Variants in MTMR7 observed in about 807,000 individuals in gnomAD.
MTMR7 encodes the protein myotubularin related protein 7, also known as phosphatidylinositol-3-phosphate phosphatase MTMR7.
In MTMR7, 76 loss-of-function variants were observed where a neutral mutation model predicts 81.2. The observed-to-expected ratio is 0.94, with a 90% CI of 0.78 to 1.13. The LOEUF (loss-of-function observed/expected upper bound fraction) is 1.13, where lower values mean the gene tolerates loss of function less well. Among genes scored for constraint, MTMR7 ranks in the 50% most tolerant of loss-of-function variants. The pLI, the probability that MTMR7 is intolerant of heterozygous loss-of-function variation, is 0.00. For synonymous variants in MTMR7, 372 were observed against 289.8 expected, an observed-to-expected ratio of 1.28 and a Z score of -2.88; for missense variants, 1,044 against 820.0, an observed-to-expected ratio of 1.27 and a Z score of -3.34.
chr8:17,402,909 T>C (rs1821470802), intron 1 of MTMR7, among the ~76,000 whole-genome samples: 1 of 152,220 alleles, frequency 6.6e-6, no homozygotes, highest in Admixed American at 6.5e-5. Flanking sequence ...CCAGCATTTG[T>C]TATTGCCTGT....
chr8:17,320,099 T>A (rs548278192), intron 7 of MTMR7, among the ~76,000 whole-genome samples: 2 of 152,120 alleles, frequency 1.3e-5, no homozygotes, highest in East Asian at 3.9e-4. Flanking sequence ...ATAGACGGGG[T>A]TAAATAAAAT....
At chr8:17,329,352 T>C (rs1181952948) in intron 7 of MTMR7, among the ~76,000 whole-genome samples, 2 of 152,186 alleles carry the variant, frequency 1.3e-5, no homozygotes, top group Admixed American at 6.5e-5. Context: ...CAGAAAGATA[T>C]CCTAGCCTAC....
chr8:17,371,235 A>G, intron 2 of MTMR7, 36 bp from the exon 3 acceptor site: 1 of 1,601,038 alleles, frequency 6.2e-7, no homozygotes, highest in Non-Finnish European at 8.5e-7. Flanking sequence ...AGCTAAGCAC[A>G]AATAACTAAT....
intron 6 of MTMR7, among the ~76,000 whole-genome samples, chr8:17,333,515 A>T (rs2285283): frequency 0.16 from 24,263 of 152,108 alleles, 2,931 homozygotes; most frequent in African/African-American, 0.34. Context: ...AGTGAAGCCT[A>T]TTCACCACAT....
At chr8:17,393,286 C>G (rs999745722) in intron 1 of MTMR7, among the ~76,000 whole-genome samples, 1 of 152,094 alleles carries the variant, frequency 6.6e-6, no homozygotes, top group Admixed American at 6.6e-5. Context: ...CAACATAGAT[C>G]AAAGACCTAA....
chr8:17,300,803 T>A (rs4921744), intron 13 of MTMR7, among the ~76,000 whole-genome samples: 3 of 152,154 alleles, frequency 2.0e-5, no homozygotes, highest in South Asian at 2.1e-4. Context: ...TGGCTACTAC[T>A]GATCAACTTC....
intron 1 of MTMR7, among the ~76,000 whole-genome samples, chr8:17,397,199 G>C (rs996588973): frequency 6.6e-6 from 1 of 151,896 alleles, no homozygotes. Context: ...AGAGGGAAAA[G>C]TTAAGGGCAC....
At chr8:17,313,885 A>G (rs914807832) in intron 7 of MTMR7, among the ~76,000 whole-genome samples, 1 of 152,206 alleles carries the variant, frequency 6.6e-6, no homozygotes, top group African/African-American at 2.4e-5. Context: ...TAAATTTCTT[A>G]AATGAAAATG....
chr8:17,393,601 G>T (rs927955186), intron 1 of MTMR7, among the ~76,000 whole-genome samples: 5 of 152,160 alleles, frequency 3.3e-5, no homozygotes, highest in African/African-American at 1.2e-4. Flanking sequence ...TGCAGGAACA[G>T]AAAACCAAAC....
chr8:17,380,188 T>G (rs1479285931), intron 1 of MTMR7, among the ~76,000 whole-genome samples: 3 of 152,298 alleles, frequency 2.0e-5, no homozygotes, highest in East Asian at 1.9e-4. Context: ...CTGGGGCATT[T>G]CAAAGAACTC....
intron 5 of MTMR7, among the ~76,000 whole-genome samples, chr8:17,342,469 G>A (rs1386491150): frequency 2.6e-5 from 4 of 152,296 alleles, no homozygotes; most frequent in African/African-American, 7.2e-5. Context: ...CAGCGTGCTT[G>A]TATTGCAGGG....
rs994411371 is a variant in MTMR7 at position 17,330,410 on chromosome 8, C to T, written c.865+740G>A. On this transcript the variant is annotated intron_variant, in intron 7 of 13. Coordinates refer to ENST00000180173, the MANE Select transcript of MTMR7 (RefSeq NM_004686.5). ...CTGCATCCTCTGTCTTTTCCCAGTT[C>T]GCAGAGCCGGAAGTGGTAGACTACA... Among the ~76,000 whole-genome samples, 36 of 152,210 alleles carry T rather than the reference C, an allele frequency of 2.4e-4. 1 individual carries two copies. Among genetic ancestry groups the T allele is most frequent in the Admixed American group, 2.0e-3 (30 of 15,286 alleles).
chr8:17,384,230 A>C (rs540988907), intron 1 of MTMR7, among the ~76,000 whole-genome samples: 1 of 152,214 alleles, frequency 6.6e-6, no homozygotes, highest in East Asian at 1.9e-4. Context: ...GGGCAACAAG[A>C]TGAGATCCCC....
At chr8:17,391,958 G>C (rs1821122125) in intron 1 of MTMR7, among the ~76,000 whole-genome samples, 2 of 152,138 alleles carry the variant, frequency 1.3e-5, no homozygotes, top group African/African-American at 4.8e-5. Context: ...TGTCCACCAG[G>C]GGAAAGGGCA....
At chr8:17,361,325 C>T in intron 3 of MTMR7, 51 bp from the exon 4 acceptor site, 1 of 1,599,848 alleles carries the variant, frequency 6.3e-7, no homozygotes, top group East Asian at 2.2e-5. Context: ...AAAACCAGAG[C>T]CAAATCTCCC....
chr8:17,374,032 G>C (rs953412562), intron 1 of MTMR7, among the ~76,000 whole-genome samples: 3 of 152,184 alleles, frequency 2.0e-5, no homozygotes, highest in Non-Finnish European at 4.4e-5. Flanking sequence ...ATAACCACCA[G>C]AGGAACATTC....
rs1290158589 is a variant in MTMR7 at position 17,304,523 on chromosome 8, T to A, written c.1353-4A>T. 6.2e-7 allele frequency: 1 copy of A among 1,612,628 alleles called. No individual in the cohort carries two copies. Among genetic ancestry groups the A allele is most frequent in the Admixed American group, 1.7e-5 (1 of 59,980 alleles). ...TGAGTATGTTCTTTCTTGAATCCTG[T>A]TATAAAGAAAATAAGTCTATAAATG... On this transcript the variant is annotated splice_region_variant and splice_polypyrimidine_tract_variant and intron_variant, in intron 11 of 13. Transcript: ENST00000180173.
At position 17,299,645 on chromosome 8, in the gene MTMR7, G is replaced by A; in HGVS notation, c.*217C>T. On this transcript the variant is annotated 3_prime_UTR_variant, in exon 14 of 14. Transcript: ENST00000180173. ...ATAGTCTAGGGTGAGCTTCAAAATG[G>A]TGAATAATTTTCCTTATATTTGATA... 1.7e-6 allele frequency: 1 copy of A among 594,080 alleles called. No homozygotes were observed. Among genetic ancestry groups the A allele is most frequent in the East Asian group, 3.0e-5 (1 of 33,546 alleles). The allele number at this position is 594,080 out of a possible 1,614,324, so 36.8% of individuals were successfully genotyped here. A position where few individuals can be genotyped will look rare whatever the true frequency, so the allele number is the denominator to read the frequency against.
At chr8:17,382,244 C>T (rs1000256827) in intron 1 of MTMR7, among the ~76,000 whole-genome samples, 1 of 152,204 alleles carries the variant, frequency 6.6e-6, no homozygotes, top group Non-Finnish European at 1.5e-5. Flanking sequence ...TGTTCTGGTC[C>T]CAAAGGACTG....
Sources: allele counts gnomAD v4.1 joint callset (sites outside exome capture counted in the v4.1 genomes callset), GRCh38; gene constraint gnomAD v4.1.1; transcripts MANE v1.5; gene names NCBI Gene and HGNC (gene_info 2026-07-23, HGNC 2026-07-21).